Variants in PROZ observed in about 807,000 individuals in gnomAD.
The protein encoded by PROZ is protein Z, vitamin K dependent plasma glycoprotein, also known as vitamin K-dependent protein Z.
In PROZ, 46 loss-of-function variants were observed where a neutral mutation model predicts 34.9. The observed-to-expected ratio is 1.32, with a 90% CI of 1.04 to 1.69. The LOEUF (loss-of-function observed/expected upper bound fraction) is 1.69, where lower values mean the gene tolerates loss of function less well. PROZ is among the 40% of genes most tolerant of loss of function. PROZ has a pLI of 0.00. For synonymous variants in PROZ, 195 were observed against 208.5 expected, an observed-to-expected ratio of 0.94 and a Z score of 0.56; for missense variants, 530 against 520.4, an observed-to-expected ratio of 1.02 and a Z score of -0.18.
In PROZ at chr13:113,170,550, T is replaced by C. The variant is rs765294621; in HGVS notation, c.691+20T>C. 1 of 1,429,620 alleles carries C rather than the reference T, an allele frequency of 7.0e-7. No individual in the cohort carries two copies. Among genetic ancestry groups the C allele is most frequent in the South Asian group, 1.1e-5 (1 of 87,140 alleles). 88.6% of individuals were successfully genotyped at this position (1,429,620 alleles called of 1,614,324 possible). A position where few individuals can be genotyped will look rare whatever the true frequency, so the allele number is the denominator to read the frequency against. ...AAACATGTAAGTATTTTATCATGAG[T>C]TTTTATAAAACCACATTGGAAATAC... On this transcript the variant is annotated intron_variant, in intron 7 of 7. Coordinates refer to ENST00000375547, the MANE Select transcript of PROZ (RefSeq NM_003891.3).
In PROZ at chr13:113,160,134, TC is replaced by T. The variant is rs1172472544; in HGVS notation, c.192del (p.Tyr65MetfsTer12). The T allele has an allele frequency of 1.3e-5, 21 of 1,614,154 alleles. No individual in the cohort carries two copies. Among genetic ancestry groups the T allele is most frequent in the Non-Finnish European group, 1.7e-5 (20 of 1,180,032 alleles). On this transcript the variant is annotated frameshift_variant, in exon 2 of 8. Coordinates refer to ENST00000375547, the MANE Select transcript of PROZ (RefSeq NM_003891.3). LOFTEE classifies it high-confidence loss of function. ...AAAGAATGTTATGAAGAAATCTGTG[TC>T]TATGAAGAAGCAAGAGAAGTGTTTG... ...LEKECYEEIC[V>X]YEEAREVFEN... is the part of the protein sequence containing the mutation.
At position 113,163,132 on chromosome 13, in the gene PROZ, C is replaced by T. The variant is rs780799257; in HGVS notation, c.373+10C>T. ...AGCAACTGCGAGCTGGGTGAGGCCC[C>T]GGCCGTCCCCTTCCCCCAAGGGCCT... On this transcript the variant is annotated intron_variant, in intron 4 of 7. Transcript: ENST00000375547. The T allele has an allele frequency of 1.5e-4, 232 of 1,541,752 alleles. No homozygotes were observed. Among genetic ancestry groups the T allele is most frequent in the Non-Finnish European group, 2.0e-4 (223 of 1,138,348 alleles).
chr13:113,166,689 T>C (rs541385773), intron 6 of PROZ, among the ~76,000 whole-genome samples: 10 of 152,348 alleles, frequency 6.6e-5, no homozygotes, highest in African/African-American at 2.4e-4. Context: ...CTCAATCTTT[T>C]ATCACTTTTC....
chr13:113,159,333 G>C lies in PROZ; in HGVS notation c.70+603G>C, dbSNP rs1205197662. ...CGCTGGCCCCATGGTCTCCCACCCT[G>C]AGAGGGTGATCCCCCCGCCCTGCCC... On this transcript the variant is annotated intron_variant, in intron 1 of 7. Coordinates refer to ENST00000375547, the MANE Select transcript of PROZ (RefSeq NM_003891.3). This position sits in a 1 kb window ranked among gnomAD's most constrained non-coding sequence, Gnocchi z 4.6. 2 of 1,439,054 alleles carry C rather than the reference G, an allele frequency of 1.4e-6. No homozygotes were observed. Among genetic ancestry groups the C allele is most frequent in the South Asian group, 1.2e-5 (1 of 81,690 alleles). The allele number at this position is 1,439,054 out of a possible 1,614,324, so 89.1% of individuals were successfully genotyped here.
chr13:113,167,461 G>A (rs962352084), intron 6 of PROZ, among the ~76,000 whole-genome samples: 82 of 152,316 alleles, frequency 5.4e-4, no homozygotes, highest in African/African-American at 8.9e-4. Context: ...GCCAGTACCC[G>A]TGCTATGTGG....
At position 113,164,691 on chromosome 13, in the gene PROZ, C is replaced by G. The variant is rs45596441; in HGVS notation, c.505+47C>G. ...GCCTCCAGCTTCCAATGCCAGCGAC[C>G]CCGTCCACATCCTCCTTCCTTCTGT... On this transcript the variant is annotated intron_variant, in intron 5 of 7. Coordinates refer to ENST00000375547, the MANE Select transcript of PROZ (RefSeq NM_003891.3). The G allele has an allele frequency of 5.0e-6, 8 of 1,609,318 alleles. No homozygotes were observed. In the African/African-American group the frequency reaches 1.1e-4, roughly 22 times the overall value.
intron 5 of PROZ, 133 bp from the exon 6 acceptor site, chr13:113,164,920 A>C (rs2036877736): frequency 1.0e-6 from 1 of 996,428 alleles, no homozygotes; most frequent in Non-Finnish European, 1.5e-6. Context: ...CTGCACATTC[A>C]TCAGCATTAA....
rs1458436592 is a variant in PROZ, at chr13:113,163,077, A to C, written c.328A>C (p.Thr110Pro). ...GSCQDSIWGY[T>P]CTCSPGYEGS... Reference sequence around the variant, plus strand: ...TTGCCAGGACAGCATCTGGGGCTACACCTGCACCTGCTCCCCCGGCTATGA... The same window carrying C: ...TTGCCAGGACAGCATCTGGGGCTACCCCTGCACCTGCTCCCCCGGCTATGA... The change falls in exon 4 of 8, where the codon ACC (threonine) becomes CCC (proline). Residue 110 changes from threonine (T) to proline (P), a missense_variant. Physicochemically the swap from Thr to Pro is conservative, Grantham distance 38. Transcript: ENST00000375547. The C allele has an allele frequency of 6.4e-7, 1 of 1,560,062 alleles. No individual in the cohort carries two copies. Among genetic ancestry groups the C allele is most frequent in the South Asian group, 1.2e-5 (1 of 84,640 alleles).
In PROZ at chr13:113,159,399, CT is replaced by C; in HGVS notation, c.71-614del. On this transcript the variant is annotated intron_variant, in intron 1 of 7. Coordinates refer to ENST00000375547, the MANE Select transcript of PROZ (RefSeq NM_003891.3). This position sits in a 1 kb window ranked among gnomAD's most constrained non-coding sequence, Gnocchi z 4.6. Reference sequence around the variant, plus strand: ...GTAGCCGGACTTAGCTGAGCCCCCCCTGCTGTAACCCTCAGCACCGAGAGAA... The same window carrying C: ...GTAGCCGGACTTAGCTGAGCCCCCCCGCTGTAACCCTCAGCACCGAGAGAA... 1.1e-6 allele frequency: 1 copy of C among 904,000 alleles called. No homozygotes were observed. Among genetic ancestry groups the C allele is most frequent in the South Asian group, 1.6e-5 (1 of 63,620 alleles). 56.0% of individuals were successfully genotyped at this position (904,000 alleles called of 1,614,324 possible).
chr13:113,165,980 T>C (rs1264347393), intron 6 of PROZ: 2 of 152,332 alleles, frequency 1.3e-5, no homozygotes, highest in African/African-American at 4.8e-5. Context: ...TTTTATTCTT[T>C]TCTTGCTTTC....
intron 6 of PROZ, among the ~76,000 whole-genome samples, chr13:113,170,068 GTT>G (rs1399164574): frequency 6.6e-6 from 1 of 152,162 alleles, no homozygotes; most frequent in Non-Finnish European, 1.5e-5. Context: ...TGAGACCGTT[GTT>G]TCTTGGGGAT....
chr13:113,163,061 C>T lies in PROZ; in HGVS notation c.312C>T (p.Asp104=), dbSNP rs1221480185. ...GCCTCCACAACGGCTCTTGCCAGGA[C>T]AGCATCTGGGGCTACACCTGCACCT... ...QPCLHNGSCQ[D]SIWGYTCTCS... is the part of the protein sequence containing the mutation. The change falls in exon 4 of 8, where the codon GAC becomes GAT. Residue 104 remains aspartate, a synonymous_variant. Coordinates refer to ENST00000375547, the MANE Select transcript of PROZ (RefSeq NM_003891.3). 4 of 1,564,204 alleles carry T rather than the reference C, an allele frequency of 2.6e-6. No individual in the cohort carries two copies. The highest frequency in any genetic ancestry group is 2.6e-6 in the Non-Finnish European group (3 of 1,153,518).
chr13:113,160,666 G>T (rs1377423709), intron 2 of PROZ, among the ~76,000 whole-genome samples: 2 of 152,174 alleles, frequency 1.3e-5, no homozygotes, highest in Admixed American at 1.3e-4. Flanking sequence ...CCACGTTAGG[G>T]GCTGTGGGTG....
chr13:113,171,873 G>C lies in PROZ; in HGVS notation c.971G>C (p.Gly324Ala), dbSNP rs950423151. The C allele has an allele frequency of 6.2e-7, 1 of 1,613,710 alleles. No individual in the cohort carries two copies. The change falls in exon 8 of 8, where the codon GGG (glycine) becomes GCG (alanine). Residue 324 changes from glycine to alanine, a missense_variant. Physicochemically the swap from Gly to Ala is moderately conservative, Grantham distance 60 (BLOSUM62 0). Transcript: ENST00000375547. This position sits in a 1 kb window ranked among gnomAD's most constrained non-coding sequence, Gnocchi z 5.1. The part of the protein sequence containing the change: ...LTTRPVTLVE[G>A]EECGQVLNVT... ...ACGCGGCCTGTCACACTTGTGGAGGGGGAGGAGTGCGGGCAGGTCCTGAAT... is the reference window on the plus strand; with the variant it reads ...ACGCGGCCTGTCACACTTGTGGAGGCGGAGGAGTGCGGGCAGGTCCTGAAT...
intron 6 of PROZ, among the ~76,000 whole-genome samples, chr13:113,169,823 G>T (rs1057220274): frequency 1.3e-5 from 2 of 152,216 alleles, no homozygotes; most frequent in Admixed American, 1.3e-4. Flanking sequence ...TAGTCTCCAT[G>T]TACACGTGAT....
chr13:113,158,678 A>T lies in PROZ; in HGVS notation c.18A>T (p.Pro6=), dbSNP rs2138569996. MAGCV[P]LLQGLVLVLA... ...GGGTGGGAATGGCAGGCTGCGTCCC[A>T]CTGCTCCAGGGCCTGGTCCTGGTCC... The change falls in exon 1 of 8, where the codon CCA becomes CCT. Residue 6 remains proline, a synonymous_variant. Coordinates refer to ENST00000375547, the MANE Select transcript of PROZ (RefSeq NM_003891.3). This position sits in a 1 kb window ranked among gnomAD's most constrained non-coding sequence, Gnocchi z 4.3. 1 of 1,605,328 alleles carries T rather than the reference A, an allele frequency of 6.2e-7. No individual in the cohort carries two copies. Among genetic ancestry groups the T allele is most frequent in the Non-Finnish European group, 8.5e-7 (1 of 1,176,744 alleles).
chr13:113,159,335 G>C lies in PROZ; in HGVS notation c.70+605G>C. On this transcript the variant is annotated intron_variant, in intron 1 of 7. Transcript: ENST00000375547. This position sits in a 1 kb window ranked among gnomAD's most constrained non-coding sequence, Gnocchi z 4.6. ...CTGGCCCCATGGTCTCCCACCCTGA[G>C]AGGGTGATCCCCCCGCCCTGCCCTG... 2 of 1,433,544 alleles carry C rather than the reference G, an allele frequency of 1.4e-6. No homozygotes were observed. The highest frequency in any genetic ancestry group is 1.9e-6 in the Non-Finnish European group (2 of 1,041,252). The allele number at this position is 1,433,544 out of a possible 1,614,324, so 88.8% of individuals were successfully genotyped here. A position where few individuals can be genotyped will look rare whatever the true frequency, so the allele number is the denominator to read the frequency against.
intron 6 of PROZ, among the ~76,000 whole-genome samples, chr13:113,169,750 C>T (rs568410112): frequency 4.6e-5 from 7 of 152,358 alleles, no homozygotes; most frequent in African/African-American, 1.4e-4. Flanking sequence ...CTATTCCCAG[C>T]TTGTGTGAGT....
At chr13:113,161,455 C>T (rs1309109256) in intron 3 of PROZ, among the ~76,000 whole-genome samples, 5 of 152,082 alleles carry the variant, frequency 3.3e-5, no homozygotes, top group African/African-American at 7.2e-5. Flanking sequence ...TGGAGACCCA[C>T]GGGGCTGGGG....
Sources: gnomAD v4.1 joint callset for allele counts (sites outside exome capture counted in the v4.1 genomes callset) on GRCh38, gnomAD v4.1.1 for gene constraint, Gnocchi (gnomAD v3.1) non-coding constraint, MANE v1.5 for transcripts, NCBI Gene and HGNC (gene_info 2026-07-23, HGNC 2026-07-21) for gene names.